The following TSBP1 variants were observed in gnomAD, a reference collection of about 807,000 sequenced individuals.
The protein encoded by TSBP1 is testis expressed basic protein 1.
Under a neutral mutation model 68.8 loss-of-function variants are expected in TSBP1, and 56 were observed. The ratio of observed to expected loss-of-function variants is 0.81; its 90% confidence interval spans 0.66 to 1.02. The LOEUF (loss-of-function observed/expected upper bound fraction) is 1.02, where lower values mean the gene tolerates loss of function less well. TSBP1 is among the 50% of genes least tolerant of loss of function. The probability of loss-of-function intolerance (pLI) is 0.00; values close to 1 mark genes in which losing one functional copy is unlikely to be tolerated. For synonymous variants in TSBP1, 171 were observed against 208.7 expected, an observed-to-expected ratio of 0.82 and a Z score of 1.56; for missense variants, 502 against 641.2, an observed-to-expected ratio of 0.78 and a Z score of 2.34.
At chr6:32,329,381 C>G (rs1223330010) in intron 16 of TSBP1, among the ~76,000 whole-genome samples, 1 of 152,102 alleles carries the variant, frequency 6.6e-6, no homozygotes, top group Non-Finnish European at 1.5e-5. Flanking sequence ...GTTTATCCTC[C>G]CTGTAATAAT....
chr6:32,355,521 T>C (rs1378701165), intron 7 of TSBP1, 128 bp downstream of exon 7: 3 of 1,215,758 alleles, frequency 2.5e-6, no homozygotes, highest in African/African-American at 3.1e-5. Flanking sequence ...TAGAAAACTT[T>C]ATCTATTGCT....
At chr6:32,366,026 G>T (rs1451735176) in intron 6 of TSBP1, 141 bp downstream of exon 6, 1 of 1,304,774 alleles carries the variant, frequency 7.7e-7, no homozygotes, top group Admixed American at 2.0e-5. Flanking sequence ...GAACATTTGT[G>T]AACATTTCTC....
intron 6 of TSBP1, among the ~76,000 whole-genome samples, chr6:32,363,652 C>A (rs6912095): frequency 0.34 from 50,933 of 149,626 alleles, 9,621 homozygotes; most frequent in Middle Eastern, 0.52. Context: ...TATTATTCTC[C>A]CTACTTTTTA....
rs1273051958 is a variant in TSBP1, at chr6:32,355,629, A to G, written c.238+20T>C. ...ACTAATAGGAAGCAAATTTTTGTTA[A>G]GAAGCAAGATAATACTTACTGTAAT... On this transcript the variant is annotated intron_variant, in intron 7 of 22. Coordinates refer to ENST00000612031, the Ensembl canonical transcript of TSBP1. 6.3e-7 allele frequency: 1 copy of G among 1,590,592 alleles called. No individual in the cohort carries two copies. Among genetic ancestry groups the G allele is most frequent in the Non-Finnish European group, 8.5e-7 (1 of 1,171,174 alleles).
intron 9 of TSBP1, among the ~76,000 whole-genome samples, chr6:32,344,976 C>T (rs1432623017): frequency 6.6e-6 from 1 of 151,984 alleles, no homozygotes; most frequent in Non-Finnish European, 1.5e-5. Context: ...CCAACTCAGC[C>T]TCCCATGTAG....
chr6:32,352,469 A>G (rs1273986314), intron 8 of TSBP1, among the ~76,000 whole-genome samples: 2 of 151,968 alleles, frequency 1.3e-5, no homozygotes, highest in African/African-American at 2.4e-5. Flanking sequence ...ATTCTAATAT[A>G]CCAGCAGAAG....
intron 9 of TSBP1, among the ~76,000 whole-genome samples, chr6:32,344,722 T>A (rs1231161835): frequency 6.6e-6 from 1 of 152,114 alleles, no homozygotes; most frequent in Non-Finnish European, 1.5e-5. Context: ...CATCTTATAT[T>A]TTGGTGGTGT....
Position 32,371,725 on chromosome 6 carries a change from A to T in TSBP1, c.-19T>A, listed in dbSNP as rs745730985. The T allele has an allele frequency of 2.5e-6, 4 of 1,613,768 alleles. No homozygotes were observed. ...CTGTCATTTTCCATGTATTGTCTTC[A>T]TCAGGTCTCGCATCATCTGGATTTC... On this transcript the variant is annotated 5_prime_UTR_variant, in exon 1 of 23. It removes an upstream start codon present in the reference 5' UTR. Coordinates refer to ENST00000612031, the Ensembl canonical transcript of TSBP1.
At chr6:32,362,550 C>A (rs1364314227) in intron 6 of TSBP1, among the ~76,000 whole-genome samples, 1 of 152,182 alleles carries the variant, frequency 6.6e-6, no homozygotes, top group Non-Finnish European at 1.5e-5. Flanking sequence ...CAAATATTAA[C>A]CACTTATCAG....
intron 9 of TSBP1, among the ~76,000 whole-genome samples, chr6:32,339,960 T>C (rs923565877): frequency 6.6e-5 from 10 of 152,198 alleles, no homozygotes; most frequent in African/African-American, 1.9e-4. Flanking sequence ...TGGAAAGAAA[T>C]ATTCAGTAAC....
intron 16 of TSBP1, chr6:32,324,736 A>G (rs1363292246): frequency 1.9e-4 from 285 of 1,525,572 alleles, no homozygotes; most frequent in Non-Finnish European, 2.4e-4. Flanking sequence ...TTTCCTACTC[A>G]TTTTTTTTTC....
At position 32,337,069 on chromosome 6, in the gene TSBP1, G is replaced by T. The variant is rs982822125; in HGVS notation, c.410-434C>A. On this transcript the variant is annotated intron_variant, in intron 11 of 22. Transcript: ENST00000612031. The surrounding 1 kb of genome is among the most constrained non-coding windows in gnomAD (Gnocchi z 5.5). Reference sequence around the variant, plus strand: ...GAGAGGACCCTATATCCTACAGAAGGCCAAAGAACATTAGAGGAAACAGAA... The same window carrying T: ...GAGAGGACCCTATATCCTACAGAAGTCCAAAGAACATTAGAGGAAACAGAA... Among the ~76,000 whole-genome samples the T allele has an allele frequency of 6.6e-6, 1 of 152,092 alleles. No homozygotes were observed. The highest frequency in any genetic ancestry group is 1.5e-5 in the Non-Finnish European group (1 of 68,018).
Position 32,315,320 on chromosome 6 carries a change from T to C in TSBP1, c.580+452A>G, listed in dbSNP as rs576732532. Among the ~76,000 whole-genome samples, 1 of 152,298 alleles carries C rather than the reference T, an allele frequency of 6.6e-6. No homozygotes were observed. The highest frequency in any genetic ancestry group is 3.4e-3 in the Middle Eastern group (1 of 294). On this transcript the variant is annotated intron_variant, in intron 19 of 22. Coordinates refer to ENST00000612031, the Ensembl canonical transcript of TSBP1. The surrounding 1 kb of genome is among the most constrained non-coding windows in gnomAD (Gnocchi z 5.4). ...GTTCACACCTGTAAACCCAGCACTT[T>C]GGGAGGCCAACGCGGGCGGATCACT...
intron 22 of TSBP1, among the ~76,000 whole-genome samples, chr6:32,295,690 T>C (rs1764632800): frequency 1.3e-5 from 2 of 152,148 alleles, no homozygotes; most frequent in African/African-American, 4.8e-5. Context: ...CTTGGTACAG[T>C]GCATGGGACA....
At chr6:32,308,392 A>G (rs540926) in intron 19 of TSBP1, among the ~76,000 whole-genome samples, 50,268 of 150,416 alleles carry the variant, frequency 0.33, 9,507 homozygotes, top group Middle Eastern at 0.52. Context: ...AGGTCAGGAG[A>G]TCGAGACCAT....
At chr6:32,299,008 A>G (rs531681151) in intron 22 of TSBP1, among the ~76,000 whole-genome samples, 1 of 152,330 alleles carries the variant, frequency 6.6e-6, no homozygotes, top group South Asian at 2.1e-4. Flanking sequence ...TTTTCTGTAG[A>G]TGTATATTTG....
At chr6:32,312,594 A>T (rs1394456271) in intron 19 of TSBP1, among the ~76,000 whole-genome samples, 6 of 152,230 alleles carry the variant, frequency 3.9e-5, no homozygotes, top group Non-Finnish European at 7.3e-5. Flanking sequence ...TGTTCCAGGC[A>T]TCTAGAACCA....
chr6:32,313,412 T>A (rs1176998587), intron 19 of TSBP1, among the ~76,000 whole-genome samples: 2 of 152,254 alleles, frequency 1.3e-5, no homozygotes, highest in Non-Finnish European at 2.9e-5. Context: ...GTTGAATACA[T>A]ATATTTTTAA....
Position 32,362,288 on chromosome 6 carries a change from C to CAAAAGA in TSBP1, c.217+3878_217+3879insTCTTTT, listed in dbSNP as rs770308883. ...TGGGCAACAGAGCCAGACTCCGTCT[C>CAAAAGA]AAAAAAAAAAAAAAAAAGAAGAGGA... On this transcript the variant is annotated intron_variant, in intron 6 of 22. Transcript: ENST00000612031. 9.9e-5 allele frequency among the ~76,000 whole-genome samples: 10 copies of CAAAAGA among 101,300 alleles called. No individual in the cohort carries two copies. In the Admixed American group the frequency reaches 1.1e-3, roughly 11 times the overall value. 66.5% of individuals were successfully genotyped at this position (101,300 alleles called of 152,430 possible). A position where few individuals can be genotyped will look rare whatever the true frequency, so the allele number is the denominator to read the frequency against.
Sources: gnomAD v4.1 joint callset for allele counts (sites outside exome capture counted in the v4.1 genomes callset) on GRCh38, gnomAD v4.1.1 for gene constraint, Gnocchi (gnomAD v3.1) non-coding constraint, MANE v1.5 for transcripts, NCBI Gene and HGNC (gene_info 2026-07-23, HGNC 2026-07-21) for gene names.